TAFA1: variants seen among roughly 807,000 people sequenced by gnomAD.
The protein encoded by TAFA1 is chemokine-like protein TAFA-1.
A neutral mutation model predicts 18.5 loss-of-function variants in TAFA1; 4 were observed. The observed-to-expected ratio is 0.22, with a 90% CI of 0.11 to 0.49. TAFA1 has a LOEUF of 0.49. Ranked by LOEUF, TAFA1 falls within the 20% of genes least tolerant of loss-of-function variation. TAFA1 has a pLI of 0.98. For synonymous variants in TAFA1, 56 were observed against 55.2 expected (o/e 1.01, Z -0.06); for missense variants, 147 against 169.0 (o/e 0.87, Z 0.72).
intron 3 of TAFA1, among the ~76,000 whole-genome samples, chr3:68,531,693 A>G (rs1449159968): frequency 6.6e-6 from 1 of 152,124 alleles, no homozygotes; most frequent in Non-Finnish European, 1.5e-5. Context: ...GCTGATCACC[A>G]GCTTCAGGTG....
intron 2 of TAFA1, among the ~76,000 whole-genome samples, chr3:68,144,462 C>T (rs1387154643): frequency 6.6e-6 from 1 of 152,146 alleles, no homozygotes; most frequent in Non-Finnish European, 1.5e-5. Flanking sequence ...TACTTAAAAA[C>T]GTGGATGGTA....
chr3:68,442,446 T>C (rs1301074965), intron 3 of TAFA1, among the ~76,000 whole-genome samples: 1 of 152,144 alleles, frequency 6.6e-6, no homozygotes, highest in African/African-American at 2.4e-5. Flanking sequence ...GGCAGAGCAC[T>C]CATGTGACTC....
chr3:68,471,154 T>C (rs2071989485), intron 3 of TAFA1, among the ~76,000 whole-genome samples: 1 of 152,134 alleles, frequency 6.6e-6, no homozygotes. Context: ...AGTCAAGAAT[T>C]GAGATTTGGG....
At chr3:68,215,704 T>C (rs1458827110) in intron 2 of TAFA1, among the ~76,000 whole-genome samples, 1 of 152,088 alleles carries the variant, frequency 6.6e-6, no homozygotes, top group African/African-American at 2.4e-5. Context: ...GACCTCATTG[T>C]TGATGGAAAT....
At chr3:68,308,637 A>G (rs2068462556) in intron 2 of TAFA1, among the ~76,000 whole-genome samples, 1 of 152,210 alleles carries the variant, frequency 6.6e-6, no homozygotes, top group South Asian at 2.1e-4. Context: ...GGTTGTTTTC[A>G]TCATCCTCCT....
chr3:68,163,954 G>A (rs1159046444), intron 2 of TAFA1, among the ~76,000 whole-genome samples: 2 of 152,168 alleles, frequency 1.3e-5, no homozygotes, highest in African/African-American at 4.8e-5. Context: ...TCTATAAATT[G>A]TGTAATCTCT....
intron 2 of TAFA1, among the ~76,000 whole-genome samples, chr3:68,346,310 C>T (rs2069162946): frequency 6.6e-6 from 1 of 152,006 alleles, no homozygotes; most frequent in African/African-American, 2.4e-5. Context: ...CAGTGTGCAC[C>T]ACCACACCCA....
intron 2 of TAFA1, among the ~76,000 whole-genome samples, chr3:68,230,557 T>C (rs1179098212): frequency 6.6e-5 from 10 of 152,250 alleles, no homozygotes; most frequent in Admixed American, 5.9e-4. Context: ...ATTTTGACTC[T>C]TGTGAATAGT....
At chr3:68,047,332 G>A (rs1409099317) in intron 2 of TAFA1, among the ~76,000 whole-genome samples, 2 of 152,124 alleles carry the variant, frequency 1.3e-5, no homozygotes, top group African/African-American at 4.8e-5. Flanking sequence ...CAACCTTCCA[G>A]TTGAAATAAA....
At chr3:68,463,109 T>C (rs370787979) in intron 3 of TAFA1, among the ~76,000 whole-genome samples, 5 of 152,272 alleles carry the variant, frequency 3.3e-5, no homozygotes, top group African/African-American at 9.6e-5. Flanking sequence ...TTATTATAAT[T>C]TTAGCTGAAA....
At chr3:68,023,260 C>G (rs569249473) in intron 2 of TAFA1, among the ~76,000 whole-genome samples, 1 of 152,112 alleles carries the variant, frequency 6.6e-6, no homozygotes, top group South Asian at 2.1e-4. Flanking sequence ...CTTTCTTGCT[C>G]ACGCCACTGT....
intron 2 of TAFA1, among the ~76,000 whole-genome samples, chr3:68,052,435 C>T (rs927913554): frequency 2.6e-5 from 4 of 152,228 alleles, no homozygotes; most frequent in Admixed American, 1.3e-4. Flanking sequence ...GTTTTTAAAT[C>T]CTCCTCTAAC....
intron 2 of TAFA1, among the ~76,000 whole-genome samples, chr3:68,398,103 G>A (rs964018486): frequency 3.3e-5 from 5 of 152,130 alleles, no homozygotes; most frequent in Admixed American, 2.0e-4. Context: ...AAAAGAGCCC[G>A]TATAGCCAAG....
At position 68,138,870 on chromosome 3, in the gene TAFA1, C is replaced by A. The variant is rs550067075; in HGVS notation, c.118+132126C>A. ...AGTAAGGGACTAAATCATTACAAGT[C>A]TTTTCAGGGTAGAGTTAGGATATGT... On this transcript the variant is annotated intron_variant, in intron 2 of 4. Transcript: ENST00000478136. 4.6e-4 allele frequency among the ~76,000 whole-genome samples: 70 copies of A among 152,248 alleles called. No homozygotes were observed. In the South Asian group the frequency reaches 0.011, roughly 24 times the overall value.
chr3:68,541,746 A>G (rs1047089414), intron 4 of TAFA1, among the ~76,000 whole-genome samples: 1 of 152,192 alleles, frequency 6.6e-6, no homozygotes. Context: ...AGTAACTTCA[A>G]TATAAAGATA....
chr3:68,082,198 G>C (rs148274618), intron 2 of TAFA1, among the ~76,000 whole-genome samples: 3,978 of 152,108 alleles, frequency 0.026, 187 homozygotes, highest in African/African-American at 0.091. Context: ...CACCCACTGA[G>C]CTGCGCCCAC....
chr3:68,478,207 A>C (rs1227017619), intron 3 of TAFA1, among the ~76,000 whole-genome samples: 1 of 152,170 alleles, frequency 6.6e-6, no homozygotes, highest in Non-Finnish European at 1.5e-5. Flanking sequence ...TCTTTGTTTA[A>C]CAAATTGGAA....
At chr3:68,536,944 T>C (rs2073286992) in intron 3 of TAFA1, among the ~76,000 whole-genome samples, 1 of 152,218 alleles carries the variant, frequency 6.6e-6, no homozygotes, top group Admixed American at 6.5e-5. Context: ...TACTCTTGAC[T>C]TTTATTTTGC....
chr3:68,219,755 C>T (rs115442135), intron 2 of TAFA1, among the ~76,000 whole-genome samples: 322 of 152,218 alleles, frequency 2.1e-3, no homozygotes, highest in Non-Finnish European at 3.3e-3. Flanking sequence ...AATGATATCT[C>T]ATTATAATCA....
Sources: gnomAD v4.1 joint callset for allele counts (sites outside exome capture counted in the v4.1 genomes callset) on GRCh38, gnomAD v4.1.1 for gene constraint, MANE v1.5 for transcripts, NCBI Gene and HGNC (gene_info 2026-07-23, HGNC 2026-07-21) for gene names.